HSD17B3: variants seen among roughly 807,000 people sequenced by gnomAD.
HSD17B3 encodes the protein 17-beta-hydroxysteroid dehydrogenase type 3.
In HSD17B3, 29 loss-of-function variants were observed where a neutral mutation model predicts 41.1. The ratio of observed to expected loss-of-function variants is 0.71; its 90% CI spans 0.53 to 0.96. The LOEUF (loss-of-function observed/expected upper bound fraction) is 0.96, where lower values mean the gene tolerates loss of function less well. HSD17B3 is among the 40% of genes least tolerant of loss of function. HSD17B3 has a pLI of 0.00. For synonymous variants in HSD17B3, 126 were observed against 145.6 expected (o/e 0.87, Z 0.97); for missense variants, 323 against 374.6 (o/e 0.86, Z 1.14).
chr9:96,269,639 CATGCCTGTA>C (rs1036892413), intron 2 of HSD17B3, among the ~76,000 whole-genome samples: 3 of 152,106 alleles, frequency 2.0e-5, no homozygotes, highest in Non-Finnish European at 2.9e-5. Flanking sequence ...TGTGATGGCT[CATGCCTGTA>C]ATCCCAGCAC....
chr9:96,278,937 C>A (rs1826579634), intron 2 of HSD17B3, among the ~76,000 whole-genome samples: 1 of 151,874 alleles, frequency 6.6e-6, no homozygotes, highest in African/African-American at 2.4e-5. Flanking sequence ...AGCTCTCTGA[C>A]CCTTAGGCAG....
intron 2 of HSD17B3, among the ~76,000 whole-genome samples, chr9:96,276,211 T>A (rs568236818): frequency 1.3e-5 from 2 of 150,984 alleles, no homozygotes; most frequent in East Asian, 3.9e-4. Context: ...AAAAGACTTG[T>A]ACGCTAAAAT....
At chr9:96,270,954 G>T (rs1245759870) in intron 2 of HSD17B3, among the ~76,000 whole-genome samples, 1 of 19,552 alleles carries the variant, frequency 5.1e-5, no homozygotes, top group Non-Finnish European at 1.3e-4. Context: ...AAATCCTCTC[G>T]GGGGGGGGGG....
chr9:96,263,481 G>C (rs1238715416), intron 2 of HSD17B3, among the ~76,000 whole-genome samples: 3 of 152,074 alleles, frequency 2.0e-5, no homozygotes. Flanking sequence ...ACTTTGGGAG[G>C]CCGAAGCGGG....
At chr9:96,275,573 C>T (rs1172226294) in intron 2 of HSD17B3, among the ~76,000 whole-genome samples, 1 of 149,856 alleles carries the variant, frequency 6.7e-6, no homozygotes, top group Non-Finnish European at 1.5e-5. Context: ...GAGTGAGACC[C>T]TATCTCAGAA....
intron 10 of HSD17B3, chr9:96,239,261 G>A (rs909250960): frequency 4.6e-5 from 7 of 152,270 alleles, no homozygotes; most frequent in African/African-American, 1.4e-4. Flanking sequence ...AGTGAGAGGG[G>A]CAGGAAGAAG....
At chr9:96,301,509 GAGACCAGCC>G (rs1827602875) in intron 1 of HSD17B3, among the ~76,000 whole-genome samples, 1 of 150,680 alleles carries the variant, frequency 6.6e-6, no homozygotes, top group Non-Finnish European at 1.5e-5. Flanking sequence ...TCAGGAGTTC[GAGACCAGCC>G]TGGCCAACAT....
At chr9:96,282,396 T>A (rs1239177627) in intron 2 of HSD17B3, among the ~76,000 whole-genome samples, 1 of 152,246 alleles carries the variant, frequency 6.6e-6, no homozygotes, top group Non-Finnish European at 1.5e-5. Context: ...AAGATAGTTT[T>A]AAAAATATTG....
At chr9:96,275,247 A>C (rs1401059708) in intron 2 of HSD17B3, among the ~76,000 whole-genome samples, 2 of 152,184 alleles carry the variant, frequency 1.3e-5, no homozygotes, top group Non-Finnish European at 2.9e-5. Context: ...TCAAATTGAA[A>C]TGAAAACACA....
At chr9:96,274,924 A>T (rs2130767618) in intron 2 of HSD17B3, among the ~76,000 whole-genome samples, 1 of 152,312 alleles carries the variant, frequency 6.6e-6, no homozygotes, top group Non-Finnish European at 1.5e-5. Flanking sequence ...AGGATCACAC[A>T]AATTAAGAAT....
At chr9:96,248,141 C>T (rs1564027691) in intron 6 of HSD17B3, among the ~76,000 whole-genome samples, 1 of 152,064 alleles carries the variant, frequency 6.6e-6, no homozygotes, top group East Asian at 1.9e-4. Flanking sequence ...TGTAAAATAA[C>T]GTGAAAGACT....
At chr9:96,241,961 A>AAGAAAG (rs1554692346) in intron 9 of HSD17B3, among the ~76,000 whole-genome samples, 5 of 100,696 alleles carry the variant, frequency 5.0e-5, no homozygotes, top group African/African-American at 1.2e-4. Flanking sequence ...AAAGAACAGA[A>AAGAAAG]AAAGAAAGAA....
chr9:96,297,341 C>CT (rs71368242), intron 2 of HSD17B3, among the ~76,000 whole-genome samples: 173 of 73,526 alleles, frequency 2.4e-3, no homozygotes, highest in South Asian at 5.1e-3. Flanking sequence ...TTATTGATTT[C>CT]TTTTTTTTTT....
Position 96,245,392 on chromosome 9 carries a change from T to C in HSD17B3, c.559A>G (p.Ile187Val). 2 of 1,614,096 alleles carry C rather than the reference T, an allele frequency of 1.2e-6. No homozygotes were observed. Among genetic ancestry groups the C allele is most frequent in the Non-Finnish European group, 1.7e-6 (2 of 1,179,966 alleles). ...TAGAGAGGCCAAGGAAACAGGGCTA[T>C]CCCAGAAGAAATGTTCAGGATGAGA... Reference protein sequence around the residue: ...KGLILNISSGIALFPWPLYSM... With the variant: ...KGLILNISSGVALFPWPLYSM... Residue 187 changes from isoleucine (I) to valine (V), a missense_variant, in exon 8 of 11, where the codon ATA becomes GTA. Coordinates refer to ENST00000375263, the MANE Select transcript of HSD17B3 (RefSeq NM_000197.2).
intron 2 of HSD17B3, among the ~76,000 whole-genome samples, chr9:96,289,104 A>G (rs1468523564): frequency 8.4e-6 from 1 of 119,070 alleles, no homozygotes; most frequent in Non-Finnish European, 1.9e-5. Flanking sequence ...GCAAGACCCT[A>G]TCCCTAAAAA....
At chr9:96,297,413 C>T (rs1827409496) in intron 2 of HSD17B3, among the ~76,000 whole-genome samples, 1 of 131,058 alleles carries the variant, frequency 7.6e-6, no homozygotes, top group Non-Finnish European at 1.5e-5. Flanking sequence ...ATGGTGCGAT[C>T]TCAGCTCACT....
At chr9:96,252,542 CAA>C (rs750492480) in intron 4 of HSD17B3, among the ~76,000 whole-genome samples, 28 of 63,504 alleles carry the variant, frequency 4.4e-4, no homozygotes, top group Middle Eastern at 0.011. Context: ...GACTGCATCT[CAA>C]AAAAAAAAAA....
At chr9:96,265,514 A>G (rs1333602332) in intron 2 of HSD17B3, among the ~76,000 whole-genome samples, 2 of 152,248 alleles carry the variant, frequency 1.3e-5, no homozygotes, top group Non-Finnish European at 2.9e-5. Context: ...ATAAGATTTC[A>G]GAAATAATGT....
chr9:96,290,411 T>C (rs1035414012), intron 2 of HSD17B3, among the ~76,000 whole-genome samples: 1 of 146,828 alleles, frequency 6.8e-6, no homozygotes, highest in African/African-American at 2.5e-5. Context: ...GAGGTTCATT[T>C]AGGGGCCTCG....
Sources: allele counts gnomAD v4.1 joint callset (sites outside exome capture counted in the v4.1 genomes callset), GRCh38; gene constraint gnomAD v4.1.1; transcripts MANE v1.5; gene names NCBI Gene and HGNC (gene_info 2026-07-23, HGNC 2026-07-21).